Variants in OR51B5 observed in about 807,000 individuals in gnomAD.
OR51B5 encodes olfactory receptor family 51 subfamily B member 5.
For missense variants in OR51B5, 456 were observed against 374.6 expected (o/e 1.22, Z -1.79); for synonymous variants, 186 against 144.8 (o/e 1.28, Z -2.04).
At chr11:5,459,535 C>T (rs1851014677) in intron 1 of OR51B5, among the ~76,000 whole-genome samples, 1 of 151,066 alleles carries the variant, frequency 6.6e-6, no homozygotes, top group East Asian at 1.9e-4. Flanking sequence ...AACAAATCTA[C>T]AAGAAAATAA....
intron 1 of OR51B5, among the ~76,000 whole-genome samples, chr11:5,375,140 A>C (rs973995105): frequency 1.0e-4 from 15 of 147,774 alleles, no homozygotes; most frequent in Admixed American, 6.1e-4. Flanking sequence ...CTCTCTTGGC[A>C]GAAACTCTAC....
intron 1 of OR51B5, among the ~76,000 whole-genome samples, chr11:5,427,171 C>A (rs2133765427): frequency 9.4e-6 from 1 of 106,008 alleles, no homozygotes; most frequent in South Asian, 3.1e-4. Flanking sequence ...ATGGTATATA[C>A]CGACCGTCCA....
At chr11:5,433,540 TAATAAAAA>T (rs1850559394) in intron 1 of OR51B5, among the ~76,000 whole-genome samples, 1 of 152,154 alleles carries the variant, frequency 6.6e-6, no homozygotes. Flanking sequence ...CTGAAAAGTT[TAATAAAAA>T]TGCCCTGCTG....
At chr11:5,503,777 G>C (rs1164351957) in intron 1 of OR51B5, among the ~76,000 whole-genome samples, 1 of 151,700 alleles carries the variant, frequency 6.6e-6, no homozygotes, top group Non-Finnish European at 1.5e-5. Flanking sequence ...CGCAGGACTC[G>C]GGGGTAAAAA....
intron 1 of OR51B5, chr11:5,468,510 C>T (rs1851172923): frequency 8.2e-6 from 3 of 363,970 alleles, no homozygotes; most frequent in Non-Finnish European, 1.7e-5. Flanking sequence ...CCAATAACAT[C>T]TTGTGTAGTC....
At chr11:5,461,892 T>C (rs562876537) in intron 1 of OR51B5, among the ~76,000 whole-genome samples, 1 of 152,346 alleles carries the variant, frequency 6.6e-6, no homozygotes, top group East Asian at 1.9e-4. Flanking sequence ...CCACTCTGGA[T>C]GCCTTCTTTC....
intron 1 of OR51B5, among the ~76,000 whole-genome samples, chr11:5,401,459 C>A (rs982506015): frequency 1.3e-5 from 2 of 152,196 alleles, no homozygotes; most frequent in African/African-American, 4.8e-5. Context: ...ACAGCTAGCC[C>A]AGTGTGGGTC....
chr11:5,431,651 A>T (rs374326634), intron 1 of OR51B5: 24 of 153,072 alleles, frequency 1.6e-4, no homozygotes, highest in African/African-American at 5.5e-4. Context: ...AAAAAAACTG[A>T]AGTTAGTCCC....
chr11:5,454,450 CT>C, intron 1 of OR51B5: 1 of 1,574,786 alleles, frequency 6.4e-7, no homozygotes, highest in Non-Finnish European at 8.6e-7. Flanking sequence ...GCTTTAGAAT[CT>C]GTTATTTTGG....
At chr11:5,393,326 T>C (rs1196164052) in intron 1 of OR51B5, 1 of 152,186 alleles carries the variant, frequency 6.6e-6, no homozygotes, top group Non-Finnish European at 1.5e-5. Flanking sequence ...ATTCATTTGA[T>C]ACACTATTAT....
At chr11:5,401,637 A>G (rs1287703554) in intron 1 of OR51B5, among the ~76,000 whole-genome samples, 4 of 152,184 alleles carry the variant, frequency 2.6e-5, no homozygotes, top group East Asian at 3.8e-4. Context: ...ATATTTACCA[A>G]TAAAATATTT....
intron 1 of OR51B5, among the ~76,000 whole-genome samples, chr11:5,467,137 G>A (rs577590720): frequency 6.6e-6 from 1 of 152,256 alleles, no homozygotes; most frequent in East Asian, 1.9e-4. Flanking sequence ...TGCAAGTATT[G>A]TTCCCAGTTT....
intron 1 of OR51B5, among the ~76,000 whole-genome samples, chr11:5,484,084 G>A (rs929397643): frequency 1.3e-5 from 2 of 152,064 alleles, no homozygotes; most frequent in African/African-American, 2.4e-5. Context: ...TTTACACCGA[G>A]GTCCAACTTC....
intron 1 of OR51B5, chr11:5,453,286 T>C (rs1318993304): frequency 4.8e-6 from 2 of 420,856 alleles, no homozygotes; most frequent in Non-Finnish European, 8.4e-6. Context: ...GCCTGCAGGC[T>C]GATCATCATA....
At chr11:5,406,509 C>T (rs1850060186) in intron 1 of OR51B5, among the ~76,000 whole-genome samples, 1 of 152,054 alleles carries the variant, frequency 6.6e-6, no homozygotes, top group Admixed American at 6.6e-5. Flanking sequence ...ATATTCTATG[C>T]TAACTTAAAA....
chr11:5,499,571 G>T (rs1404118722), intron 1 of OR51B5, among the ~76,000 whole-genome samples: 4 of 152,146 alleles, frequency 2.6e-5, no homozygotes, highest in Admixed American at 2.6e-4. Context: ...GGTCAAAACA[G>T]TATTTTTTAT....
chr11:5,349,020 A>C (rs983067586), intron 1 of OR51B5, among the ~76,000 whole-genome samples: 1 of 152,170 alleles, frequency 6.6e-6, no homozygotes. Flanking sequence ...AGGTGTCTGC[A>C]TAGAGCCATC....
chr11:5,502,993 A>G (rs576946539), intron 1 of OR51B5, among the ~76,000 whole-genome samples: 2 of 152,330 alleles, frequency 1.3e-5, no homozygotes, highest in South Asian at 2.1e-4. Flanking sequence ...AAAGGGTAAT[A>G]ACTTGGAAAA....
At chr11:5,342,448 TA>T, downstream of OR51B5, 2 of 1,081,130 alleles carry the variant, frequency 1.8e-6, no homozygotes, top group Non-Finnish European at 2.5e-6. Context: ...AGAGATACCT[TA>T]GGGAAACTTG....
Sources: gnomAD v4.1 joint callset for allele counts (sites outside exome capture counted in the v4.1 genomes callset) on GRCh38, gnomAD v4.1.1 for gene constraint, MANE v1.5 for transcripts, NCBI Gene and HGNC (gene_info 2026-07-23, HGNC 2026-07-21) for gene names.